The following CCDC170 variants were observed in gnomAD, a reference collection of about 807,000 sequenced individuals.
CCDC170 encodes the protein coiled-coil domain-containing protein 170.
A neutral mutation model predicts 72.6 loss-of-function variants in CCDC170; 69 were observed. That is an observed-to-expected ratio of 0.95 (90% confidence interval 0.78 to 1.16). CCDC170 has a LOEUF of 1.16. Among genes scored for constraint, CCDC170 ranks in the 50% most tolerant of loss-of-function variants. The pLI, the probability that CCDC170 is intolerant of heterozygous loss-of-function variation, is 0.00. For synonymous variants in CCDC170, 300 were observed against 303.9 expected (o/e 0.99, Z 0.13); for missense variants, 852 against 832.5 (o/e 1.02, Z -0.29).
intron 1 of CCDC170, among the ~76,000 whole-genome samples, chr6:151,513,181 T>C (rs1782172432): frequency 6.6e-6 from 1 of 152,186 alleles, no homozygotes; most frequent in Non-Finnish European, 1.5e-5. Context: ...TGTGCAGCTG[T>C]TAACATTTTA....
chr6:151,494,978 T>C (rs1781889755), intron 1 of CCDC170, among the ~76,000 whole-genome samples: 2 of 152,232 alleles, frequency 1.3e-5, no homozygotes, highest in African/African-American at 4.8e-5. Flanking sequence ...TCAGCTCAAC[T>C]GCTAACCGCA....
chr6:151,579,823 C>T (rs937173703), intron 6 of CCDC170, among the ~76,000 whole-genome samples: 10 of 152,146 alleles, frequency 6.6e-5, no homozygotes, highest in African/African-American at 1.4e-4. Flanking sequence ...GAAATGGACA[C>T]GATGTGTTGA....
chr6:151,539,088 C>T (rs900377271), intron 3 of CCDC170, among the ~76,000 whole-genome samples: 1 of 151,924 alleles, frequency 6.6e-6, no homozygotes, highest in Non-Finnish European at 1.5e-5. Flanking sequence ...ATGGTGAAAC[C>T]CCGTCTCTAC....
At chr6:151,521,490 G>T (rs371907751) in intron 1 of CCDC170, among the ~76,000 whole-genome samples, 1 of 152,202 alleles carries the variant, frequency 6.6e-6, no homozygotes, top group Admixed American at 6.5e-5. Flanking sequence ...CTTGGATAGG[G>T]ATTGGGTAAA....
At chr6:151,578,370 G>T (rs1776333222) in intron 6 of CCDC170, among the ~76,000 whole-genome samples, 1 of 152,156 alleles carries the variant, frequency 6.6e-6, no homozygotes, top group Non-Finnish European at 1.5e-5. Flanking sequence ...TCTGTCCCAT[G>T]CCTCACTCCT....
intron 1 of CCDC170, among the ~76,000 whole-genome samples, chr6:151,507,993 A>T (rs115177553): frequency 0.013 from 1,997 of 152,238 alleles, 37 homozygotes; most frequent in African/African-American, 0.046. Flanking sequence ...TAGGTGATAG[A>T]TAATAGAAAA....
chr6:151,504,929 A>T (rs564940872), intron 1 of CCDC170, among the ~76,000 whole-genome samples: 1 of 151,966 alleles, frequency 6.6e-6, no homozygotes, highest in Non-Finnish European at 1.5e-5. Flanking sequence ...TGCAGTAGGG[A>T]CTGAGTGGAG....
At chr6:151,531,500 G>A (rs1412746976) in intron 1 of CCDC170, among the ~76,000 whole-genome samples, 1 of 152,052 alleles carries the variant, frequency 6.6e-6, no homozygotes, top group East Asian at 1.9e-4. Context: ...GCTACTCGAG[G>A]GACTGAGGCA....
rs1413136558 is a variant in CCDC170 at position 151,586,079 on chromosome 6, A to G, written c.1283A>G (p.Glu428Gly). ...GGVLRDNLNF[E>G]KQKYLKFLDQ... ...GTTTTGCGAGACAACTTGAATTTTG[A>G]GAAACAAAAAGTAATGACCCGAGGG... The change falls in exon 7 of 11, where the codon GAG becomes GGG. Residue 428 changes from glutamate to glycine, a missense_variant. Physicochemically the swap from Glu to Gly is moderately conservative, Grantham distance 98 (BLOSUM62 -2). Coordinates refer to ENST00000239374, the MANE Select transcript of CCDC170 (RefSeq NM_025059.4). 1 of 1,614,090 alleles carries G rather than the reference A, an allele frequency of 6.2e-7. No homozygotes were observed. Among genetic ancestry groups the G allele is most frequent in the South Asian group, 1.1e-5 (1 of 91,064 alleles).
chr6:151,585,909 C>T lies in CCDC170; in HGVS notation c.1113C>T (p.Ala371=). 4 of 1,613,608 alleles carry T rather than the reference C, an allele frequency of 2.5e-6. No homozygotes were observed. The highest frequency in any genetic ancestry group is 8.5e-7 in the Non-Finnish European group (1 of 1,179,806). ...TCCAGATGGTCTCCCAGCTTGAAGCCCAAATATCTGAGCTTGTTGAACAGT... is the reference window on the plus strand; with the variant it reads ...TCCAGATGGTCTCCCAGCTTGAAGCTCAAATATCTGAGCTTGTTGAACAGT... ...SRDRMVSQLE[A]QISELVEQLG... Residue 371 remains alanine, a synonymous_variant, in exon 7 of 11, where the codon GCC becomes GCT. Transcript: ENST00000239374.
intron 4 of CCDC170, among the ~76,000 whole-genome samples, chr6:151,547,594 C>T (rs902937818): frequency 6.6e-6 from 1 of 152,136 alleles, no homozygotes; most frequent in South Asian, 2.1e-4. Context: ...AGGTATATCA[C>T]TTCCACGGAG....
chr6:151,601,516 T>C (rs1776709027), intron 9 of CCDC170, among the ~76,000 whole-genome samples: 1 of 150,806 alleles, frequency 6.6e-6, no homozygotes, highest in Non-Finnish European at 1.5e-5. Context: ...AGAAAAACAG[T>C]GCGTGTGTGT....
chr6:151,613,356 T>C (rs537627664), intron 9 of CCDC170, among the ~76,000 whole-genome samples: 6 of 152,314 alleles, frequency 3.9e-5, no homozygotes, highest in African/African-American at 9.6e-5. Context: ...TGAGCTGAGA[T>C]TGTGCCACTG....
chr6:151,559,959 G>A (rs1351252228), intron 5 of CCDC170, among the ~76,000 whole-genome samples: 3 of 151,938 alleles, frequency 2.0e-5, no homozygotes, highest in Middle Eastern at 3.4e-3. Context: ...GTTCTGTTCT[G>A]ATCTTAGTTA....
chr6:151,592,911 G>A (rs969861348), intron 7 of CCDC170, 196 bp from the exon 8 acceptor site: 1 of 606,196 alleles, frequency 1.6e-6, no homozygotes, highest in Admixed American at 2.9e-5. Context: ...AGAGCATTCA[G>A]ACAAGGGGTA....
At chr6:151,525,792 A>G (rs1306568656) in intron 1 of CCDC170, among the ~76,000 whole-genome samples, 1 of 152,196 alleles carries the variant, frequency 6.6e-6, no homozygotes. Context: ...TCATGTATTG[A>G]TGGACACTTA....
chr6:151,602,235 A>G (rs80216751), intron 9 of CCDC170, among the ~76,000 whole-genome samples: 8,731 of 152,258 alleles, frequency 0.057, 306 homozygotes, highest in South Asian at 0.096. Flanking sequence ...TAAGTATAAT[A>G]GAAATCCTTT....
intron 4 of CCDC170, among the ~76,000 whole-genome samples, chr6:151,547,097 A>C (rs1023938): frequency 0.6 from 90,673 of 152,000 alleles, 29,962 homozygotes; most frequent in Admixed American, 0.72. Context: ...CTCTGGTTTC[A>C]AAACTGTTCC....
At chr6:151,555,157 C>A (rs1217147114) in intron 5 of CCDC170, among the ~76,000 whole-genome samples, 1 of 152,020 alleles carries the variant, frequency 6.6e-6, no homozygotes, top group African/African-American at 2.4e-5. Context: ...GCTGGGATTA[C>A]AGATGTGAGC....
Sources: gnomAD v4.1 joint callset for allele counts (sites outside exome capture counted in the v4.1 genomes callset) on GRCh38, gnomAD v4.1.1 for gene constraint, MANE v1.5 for transcripts, NCBI Gene and HGNC (gene_info 2026-07-23, HGNC 2026-07-21) for gene names.